The following DIS3L variants were observed in gnomAD, a reference collection of about 807,000 sequenced individuals.
DIS3L encodes the protein DIS3 like exosome 3'-5' exoribonuclease.
Under a neutral mutation model 120.3 loss-of-function variants are expected in DIS3L, and 100 were observed. The observed-to-expected ratio is 0.83, with a 90% CI of 0.71 to 0.98. The LOEUF (loss-of-function observed/expected upper bound fraction) is 0.98. Among genes scored for constraint, DIS3L ranks in the 50% least tolerant of loss-of-function variants. The pLI is 0.00. For synonymous variants in DIS3L, 426 were observed against 470.6 expected (o/e 0.91, Z 1.23); for missense variants, 1,196 against 1,314.2 (o/e 0.91, Z 1.39).
At chr15:66,301,913 A>G (rs2092652138) in intron 2 of DIS3L, among the ~76,000 whole-genome samples, 1 of 152,210 alleles carries the variant, frequency 6.6e-6, no homozygotes. Context: ...CTTGCACTAA[A>G]AGTCTAAGAA....
Position 66,318,650 on chromosome 15 carries a change from T to G in DIS3L, c.1164+32T>G, listed in dbSNP as rs201582348. On this transcript the variant is annotated intron_variant, in intron 8 of 16. Coordinates refer to ENST00000319212, the MANE Select transcript of DIS3L (RefSeq NM_001143688.3). ...GGCATTCTACCTCTACTATGGGATC[T>G]CTACGCTTTCTCCTTCTGTCTTTAC... 753 of 1,601,970 alleles carry G rather than the reference T, an allele frequency of 4.7e-4. 4 individuals carry two copies. The African/African-American group carries it at 7.3e-3, about 16-fold the overall frequency.
At chr15:66,293,813 GC>G in intron 1 of DIS3L, 78 bp downstream of exon 1, 1 of 1,073,604 alleles carries the variant, frequency 9.3e-7, no homozygotes, top group Non-Finnish European at 1.1e-6. Context: ...CGGCCGGGAG[GC>G]GGAGCGCCAG....
chr15:66,325,167 G>A (rs889283720), intron 11 of DIS3L, among the ~76,000 whole-genome samples: 1 of 152,176 alleles, frequency 6.6e-6, no homozygotes, highest in African/African-American at 2.4e-5. Flanking sequence ...GCCAAGGCAG[G>A]TGGATTGCCA....
intron 12 of DIS3L, among the ~76,000 whole-genome samples, chr15:66,328,126 A>G (rs2092958216): frequency 6.6e-6 from 1 of 152,228 alleles, no homozygotes; most frequent in Admixed American, 6.5e-5. Context: ...TGATGGCAGC[A>G]TCATTCATAT....
intron 14 of DIS3L, 160 bp from the exon 15 acceptor site, chr15:66,331,715 A>G (rs1252834833): frequency 1.3e-5 from 9 of 691,100 alleles, no homozygotes; most frequent in African/African-American, 1.3e-4. Context: ...AGATAATACT[A>G]GATGGTTAAG....
chr15:66,326,120 G>C lies in DIS3L; in HGVS notation c.1957G>C (p.Gly653Arg). Residue 653 changes from glycine to arginine, a missense_variant, in exon 12 of 17, where the codon GGG (glycine) becomes CGG (arginine). By Grantham distance (125) the Gly-to-Arg change is moderately radical. Coordinates refer to ENST00000319212, the MANE Select transcript of DIS3L (RefSeq NM_001143688.3). ...RDGCGALELE[G>R]VEVCVQLDDK... is the part of the protein sequence containing the mutation. ...CGGATGTGGTGCCCTGGAACTGGAAGGGGTAGAGGTTTGCGTACAGCTAGA... is the reference window on the plus strand; with the variant it reads ...CGGATGTGGTGCCCTGGAACTGGAACGGGTAGAGGTTTGCGTACAGCTAGA... 1 of 1,614,194 alleles carries C rather than the reference G, an allele frequency of 6.2e-7. No homozygotes were observed. The highest frequency in any genetic ancestry group is 8.5e-7 in the Non-Finnish European group (1 of 1,180,028).
chr15:66,329,816 G>A, intron 14 of DIS3L: 1 of 939,730 alleles, frequency 1.1e-6, no homozygotes, highest in Non-Finnish European at 1.3e-6. Flanking sequence ...GGAGGCTGAG[G>A]CAGGAGAATC....
At position 66,311,748 on chromosome 15, in the gene DIS3L, G is replaced by C; in HGVS notation, c.583G>C (p.Asp195His). Reference protein sequence around the residue: ...FKNYLDNFWPDLKAAHELCDS... With the variant: ...FKNYLDNFWPHLKAAHELCDS... The stretch of plus-strand genomic sequence containing the variant: ...GAATTACCTGGACAATTTCTGGCCT[G>C]ATTTAAAAGCTGCCCACGAGCTTTG... The change falls in exon 5 of 17, where the codon GAT (aspartate) becomes CAT (histidine). Residue 195 changes from aspartate (D) to histidine (H), a missense_variant. Coordinates refer to ENST00000319212, the MANE Select transcript of DIS3L (RefSeq NM_001143688.3). 6.2e-7 allele frequency: 1 copy of C among 1,614,082 alleles called. No homozygotes were observed. Among genetic ancestry groups the C allele is most frequent in the East Asian group, 2.2e-5 (1 of 44,888 alleles).
intron 1 of DIS3L, chr15:66,294,061 C>A (rs2092556238): frequency 2.0e-6 from 2 of 986,634 alleles, no homozygotes; most frequent in African/African-American, 1.7e-5. Context: ...AGGCCTCCTC[C>A]CGCCGCAACC....
In DIS3L at chr15:66,315,220, G is replaced by C. The variant is rs754258629; in HGVS notation, c.994+5G>C. The C allele has an allele frequency of 6.2e-7, 1 of 1,601,882 alleles. No individual in the cohort carries two copies. Among genetic ancestry groups the C allele is most frequent in the African/African-American group, 1.3e-5 (1 of 74,864 alleles). On this transcript the variant is annotated splice_donor_5th_base_variant and intron_variant, in intron 7 of 16. Transcript: ENST00000319212. ...CAAGTGAGCCCATGCCTACAGGTGA[G>C]CCAGCTGCAGAGCCACTCCGATGTC...
rs541635439 is a variant in DIS3L, at chr15:66,307,281, TTTTG to T, written c.422+333_422+336del. ...TATGGAGAAGGCAGAAGAGCTCCTT[TTTTG>T]TTTTTTTATTTTTTTTAATTTTTTT... On this transcript the variant is annotated intron_variant, in intron 3 of 16. Coordinates refer to ENST00000319212, the MANE Select transcript of DIS3L (RefSeq NM_001143688.3). 2.0e-3 allele frequency among the ~76,000 whole-genome samples: 299 copies of T among 151,974 alleles called. 2 individuals are homozygous for T. Among genetic ancestry groups the T allele is most frequent in the Non-Finnish European group, 3.2e-3 (217 of 67,968 alleles).
At chr15:66,294,221 G>A in intron 1 of DIS3L, 1 of 985,512 alleles carries the variant, frequency 1.0e-6, no homozygotes, top group African/African-American at 1.7e-5. Flanking sequence ...TCCCCCAGTG[G>A]AGAGCCACTT....
chr15:66,315,893 A>G (rs2092811864), intron 7 of DIS3L, among the ~76,000 whole-genome samples: 1 of 152,148 alleles, frequency 6.6e-6, no homozygotes, highest in South Asian at 2.1e-4. Flanking sequence ...GGAAGCTGTC[A>G]GCAGCATTTG....
At position 66,326,075 on chromosome 15, in the gene DIS3L, C is replaced by T. The variant is rs368206260; in HGVS notation, c.1912C>T (p.His638Tyr). The change falls in exon 12 of 17, where the codon CAT (histidine) becomes TAT (tyrosine). Residue 638 changes from histidine to tyrosine, a missense_variant. His to Tyr is a moderately conservative substitution (Grantham distance 83, BLOSUM62 2). Coordinates refer to ENST00000319212, the MANE Select transcript of DIS3L (RefSeq NM_001143688.3). ...TGGAAAGCTGACCGACATAGCTCGC[C>T]ATGTCAGAGCTAAACGAGACGGATG... is the stretch of plus-strand genomic sequence containing the variant. ...AIGKLTDIARHVRAKRDGCGA... is the reference protein window; with the variant it reads ...AIGKLTDIARYVRAKRDGCGA... 2.2e-5 allele frequency: 36 copies of T among 1,614,144 alleles called. No individual in the cohort carries two copies. Among genetic ancestry groups the T allele is most frequent in the Non-Finnish European group, 2.3e-5 (27 of 1,180,006 alleles).
chr15:66,319,829 A>G (rs566514758), intron 8 of DIS3L, among the ~76,000 whole-genome samples: 1 of 152,050 alleles, frequency 6.6e-6, no homozygotes, highest in African/African-American at 2.4e-5. Context: ...GAGGTCTTCA[A>G]AGAGACCAGG....
chr15:66,331,710 A>C (rs1454844093), intron 14 of DIS3L, 165 bp from the exon 15 acceptor site: 2 of 656,282 alleles, frequency 3.0e-6, no homozygotes, highest in Admixed American at 3.5e-5. Flanking sequence ...TGAGGAGATA[A>C]TACTAGATGG....
chr15:66,327,702 C>T (rs1191133697), intron 12 of DIS3L, among the ~76,000 whole-genome samples: 2 of 151,990 alleles, frequency 1.3e-5, no homozygotes, highest in Non-Finnish European at 1.5e-5. Flanking sequence ...CAAAATCGCA[C>T]CACTGCACTC....
chr15:66,323,896 A>G (rs2092911479), intron 11 of DIS3L, among the ~76,000 whole-genome samples: 1 of 152,204 alleles, frequency 6.6e-6, no homozygotes, highest in Non-Finnish European at 1.5e-5. Context: ...CTTTGTGCTT[A>G]TGCATTCCCT....
Position 66,309,094 on chromosome 15 carries a change from A to AAAAAAATATATATATATATAT in DIS3L, c.558+251_558+252insAAAAATATATATATATATATA. ...CTTGTCTCTACAGAAAAAAAAAAAA[A>AAAAAAATATATATATATATAT]ATATATATATCTCCAAGCATGGTGG... On this transcript the variant is annotated intron_variant, in intron 4 of 16. Transcript: ENST00000319212. 5.2e-4 allele frequency among the ~76,000 whole-genome samples: 8 copies of AAAAAAATATATATATATATAT among 15,314 alleles called. 2 individuals are homozygous for AAAAAAATATATATATATATAT. The East Asian group carries it at 0.026, about 49-fold the overall frequency. The allele number at this position is 15,314 out of a possible 152,430, so 10.0% of individuals were successfully genotyped here.
Sources: gnomAD v4.1 joint callset for allele counts (sites outside exome capture counted in the v4.1 genomes callset) on GRCh38, gnomAD v4.1.1 for gene constraint, MANE v1.5 for transcripts, NCBI Gene and HGNC (gene_info 2026-07-23, HGNC 2026-07-21) for gene names.